PLEKHG5: variants seen among roughly 807,000 people sequenced by gnomAD.
PLEKHG5 encodes pleckstrin homology and RhoGEF domain containing G5.
In PLEKHG5, 52 loss-of-function variants were observed where a neutral mutation model predicts 103.8. The observed-to-expected ratio is 0.50, with a 90% CI of 0.40 to 0.63. The LOEUF is 0.63. Among genes scored for constraint, PLEKHG5 ranks in the 30% least tolerant of loss-of-function variants. The pLI is 0.00. For synonymous variants in PLEKHG5, 592 were observed against 575.5 expected, an observed-to-expected ratio of 1.03 and a Z score of -0.41; for missense variants, 1,205 against 1,347.6, an observed-to-expected ratio of 0.89 and a Z score of 1.66.
At position 6,491,369 on chromosome 1, in the gene PLEKHG5, C is replaced by T. The variant is rs1350246690; in HGVS notation, c.-88+268G>A. Among the ~76,000 whole-genome samples the T allele has an allele frequency of 6.6e-6, 1 of 152,200 alleles. No individual in the cohort carries two copies. The highest frequency in any genetic ancestry group is 2.4e-5 in the African/African-American group (1 of 41,454). Reference sequence around the variant, plus strand: ...CACAACCCTTGGGGCTGGGCCTATACTAGGGCAGCTCCTGGCTGGGCCAGG... The same window carrying T: ...CACAACCCTTGGGGCTGGGCCTATATTAGGGCAGCTCCTGGCTGGGCCAGG... On this transcript the variant is annotated intron_variant, in intron 1 of 20. Transcript: ENST00000377728. This position sits in a 1 kb window ranked among gnomAD's most constrained non-coding sequence, Gnocchi z 4.1.
At chr1:6,484,122 T>A (rs1252210956) in intron 1 of PLEKHG5, among the ~76,000 whole-genome samples, 1 of 152,234 alleles carries the variant, frequency 6.6e-6, no homozygotes, top group East Asian at 1.9e-4. Flanking sequence ...CCATCTTGTT[T>A]TTAAATCAAT....
chr1:6,497,124 GGCGGGGGGAGGGAGGAGAA>G, upstream of PLEKHG5: 4 of 1,217,674 alleles, frequency 3.3e-6, no homozygotes, highest in Non-Finnish European at 4.6e-6. This position sits in a 1 kb window ranked among gnomAD's most constrained non-coding sequence, Gnocchi z 6.1. Flanking sequence ...ACCAGCGAGA[GGCGGGGGGAGGGAGGAGAA>G]GCGGGGTGCT....
Position 6,474,157 on chromosome 1 carries a change from G to C in PLEKHG5, c.447C>G (p.Ala149=). The part of the protein sequence containing the change: ...GGHYLRVKAP[A]KPGDEGKVEQ... ...CCACCTTGCCCTCATCTCCAGGCTT[G>C]GCTGGGGCTGCATGTGGGGGCCACG... Residue 149 remains alanine, a synonymous_variant, in exon 7 of 21, where the codon GCC becomes GCG. Transcript: ENST00000377728. 1 of 1,613,416 alleles carries C rather than the reference G, an allele frequency of 6.2e-7. No homozygotes were observed. Among genetic ancestry groups the C allele is most frequent in the Middle Eastern group, 1.7e-4 (1 of 6,056 alleles).
Position 6,471,100 on chromosome 1 carries a change from A to C in PLEKHG5, c.1282T>G (p.Phe428Val). Residue 428 changes from phenylalanine to valine, a missense_variant and splice_region_variant, in exon 13 of 21, where the codon TTC becomes GTC. Transcript: ENST00000377728. ...PGDFLKGFKM[F>V]GSLFKPYIRY... ...ATGTAGGGCTTGAAGAGCGAGCCGA[A>C]CTGGCCCGGGGCAGAACAACCACGG... The C allele has an allele frequency of 6.3e-7, 1 of 1,576,546 alleles. No individual in the cohort carries two copies. The highest frequency in any genetic ancestry group is 8.6e-7 in the Non-Finnish European group (1 of 1,162,260).
At chr1:6,500,909 G>A (rs1053046659), upstream of PLEKHG5, among the ~76,000 whole-genome samples, 8 of 152,220 alleles carry the variant, frequency 5.3e-5, no homozygotes, top group Non-Finnish European at 7.3e-5. Context: ...TGTCTCAGTC[G>A]CAGGAGGCCA....
At chr1:6,498,920 G>C (rs1274377644), upstream of PLEKHG5, among the ~76,000 whole-genome samples, 3 of 152,228 alleles carry the variant, frequency 2.0e-5, no homozygotes, top group Non-Finnish European at 2.9e-5. Context: ...CTGCCTGCTG[G>C]GAGGAAGCTG....
chr1:6,470,950 C>A, intron 13 of PLEKHG5, 40 bp downstream of exon 13: 4 of 1,555,876 alleles, frequency 2.6e-6, no homozygotes, highest in Non-Finnish European at 3.5e-6. Context: ...TCCAGGGTCC[C>A]GTCCTCCTGC....
chr1:6,479,328 C>T (rs1644843271), intron 1 of PLEKHG5, among the ~76,000 whole-genome samples: 1 of 149,020 alleles, frequency 6.7e-6, no homozygotes, highest in Non-Finnish European at 1.5e-5. Flanking sequence ...GCTCTGTCGC[C>T]CAGGCTGGAG....
upstream of PLEKHG5, among the ~76,000 whole-genome samples, chr1:6,494,319 TG>T (rs756531524): frequency 2.6e-5 from 4 of 151,642 alleles, no homozygotes; most frequent in East Asian, 7.8e-4. Flanking sequence ...ATAGTAGAGA[TG>T]GGGTTTCGCC....
chr1:6,474,764 T>G (rs1159513239), intron 5 of PLEKHG5, 177 bp from the exon 6 acceptor site: 7 of 698,602 alleles, frequency 1.0e-5, no homozygotes, highest in Non-Finnish European at 1.5e-5. Flanking sequence ...CCCGCAGAGG[T>G]GCTCACACAG....
chr1:6,495,636 G>A (rs1557765300), upstream of PLEKHG5, among the ~76,000 whole-genome samples: 1 of 152,212 alleles, frequency 6.6e-6, no homozygotes, highest in Non-Finnish European at 1.5e-5. Context: ...GCCGGAGGAG[G>A]AGTCAGTGAG....
intron 1 of PLEKHG5, among the ~76,000 whole-genome samples, chr1:6,502,844 G>A (rs1363494690): frequency 2.6e-5 from 4 of 152,182 alleles, no homozygotes; most frequent in South Asian, 2.1e-4. Context: ...CCACCCGACC[G>A]CCTCAGCTCA....
In PLEKHG5 at chr1:6,477,664, G is replaced by A; in HGVS notation, c.-87-6C>T. The A allele has an allele frequency of 1.2e-6, 2 of 1,601,118 alleles. No individual in the cohort carries two copies. Among genetic ancestry groups the A allele is most frequent in the Non-Finnish European group, 1.7e-6 (2 of 1,179,812 alleles). On this transcript the variant is annotated splice_region_variant and splice_polypyrimidine_tract_variant and intron_variant, in intron 1 of 20. Coordinates refer to ENST00000377728, the MANE Select transcript of PLEKHG5 (RefSeq NM_020631.6). Reference sequence around the variant, plus strand: ...CAGTCGGCGTGGTGACATACCTGGGGTGGGGACAGAAGCCTTCAGGAGGTC... The same window carrying A: ...CAGTCGGCGTGGTGACATACCTGGGATGGGGACAGAAGCCTTCAGGAGGTC...
intron 1 of PLEKHG5, among the ~76,000 whole-genome samples, chr1:6,480,729 A>C (rs1167928061): frequency 1.3e-5 from 2 of 150,474 alleles, no homozygotes; most frequent in African/African-American, 2.4e-5. Context: ...GCTCACTGCA[A>C]CCTCTACCTC....
At position 6,467,850 on chromosome 1, in the gene PLEKHG5, G is replaced by A. The variant is rs1249333557; in HGVS notation, c.2986C>T (p.Leu996=). ...AQLYRIRTTL[L]LNSTLTASEV is the part of the protein sequence containing the mutation. ...GAGGCAGTGAGCGTGGAGTTAAGCA[G>A]CAGGGTGGTCCTGATTCGGTAGAGC... Residue 996 remains leucine (L), a synonymous_variant, in exon 20 of 21, where the codon CTG becomes TTG. Coordinates refer to ENST00000377728, the MANE Select transcript of PLEKHG5 (RefSeq NM_020631.6). 6.2e-7 allele frequency: 1 copy of A among 1,613,248 alleles called. No individual in the cohort carries two copies. The highest frequency in any genetic ancestry group is 8.5e-7 in the Non-Finnish European group (1 of 1,179,882).
At chr1:6,489,516 C>A (rs1645105947) in intron 1 of PLEKHG5, among the ~76,000 whole-genome samples, 2 of 152,330 alleles carry the variant, frequency 1.3e-5, no homozygotes, top group Non-Finnish European at 2.9e-5. Flanking sequence ...AGGCTGGGAC[C>A]CAGTGCTAGA....
rs1305052740 is a variant in PLEKHG5 at position 6,473,240 on chromosome 1, G to A, written c.795+11C>T. On this transcript the variant is annotated intron_variant, in intron 8 of 20. Transcript: ENST00000377728. ...CCAGCTGCCTGACCCTGGGCAGATG[G>A]GGCCACATACCCGGCCAAAGGCGCT... The A allele has an allele frequency of 6.2e-7, 1 of 1,612,408 alleles. No homozygotes were observed. Among genetic ancestry groups the A allele is most frequent in the African/African-American group, 1.3e-5 (1 of 75,040 alleles).
rs746588439 is a variant in PLEKHG5, at chr1:6,469,215, C to A, written c.2076G>T (p.Gln692His). The change falls in exon 19 of 21, where the codon CAG becomes CAT. Residue 692 changes from glutamine (Q) to histidine (H), a missense_variant. By Grantham distance (24) the Gln-to-His change is conservative (BLOSUM62 0). Transcript: ENST00000377728. ...AQNQLQQLRA[Q>H]EPPGSQQPLQ... ...GGGGCTGCTGACTGCCTGGGGGCTCCTGTGCACGCAGCTGTTGCAGCTGGT... is the reference window on the plus strand; with the variant it reads ...GGGGCTGCTGACTGCCTGGGGGCTCATGTGCACGCAGCTGTTGCAGCTGGT... 6.2e-7 allele frequency: 1 copy of A among 1,613,618 alleles called. No homozygotes were observed. Among genetic ancestry groups the A allele is most frequent in the African/African-American group, 1.3e-5 (1 of 74,940 alleles).
chr1:6,467,714 G>A (rs1353880113), intron 20 of PLEKHG5, 111 bp downstream of exon 20: 19 of 1,498,100 alleles, frequency 1.3e-5, no homozygotes, highest in Non-Finnish European at 1.7e-5. Flanking sequence ...ACTGGGCAGG[G>A]TTCAGGCTCC....
Sources: allele counts gnomAD v4.1 joint callset (sites outside exome capture counted in the v4.1 genomes callset), GRCh38; gene constraint gnomAD v4.1.1; non-coding constraint Gnocchi (gnomAD v3.1); transcripts MANE v1.5; gene names NCBI Gene and HGNC (gene_info 2026-07-23, HGNC 2026-07-21).